The following NOTCH1 variants were observed in gnomAD, a reference collection of about 807,000 sequenced individuals.
NOTCH1 encodes the protein neurogenic locus notch homolog protein 1.
NOTCH1 carries 37 observed loss-of-function variants against 254.8 expected under a neutral mutation model. The observed-to-expected ratio is 0.15, with a 90% confidence interval of 0.11 to 0.19. NOTCH1 has a LOEUF of 0.19. Ranked by LOEUF, NOTCH1 falls within the 10% of genes least tolerant of loss-of-function variation. NOTCH1 has a pLI of 1.00. For missense variants in NOTCH1, 2,972 were observed against 3,708.6 expected, an observed-to-expected ratio of 0.80 and a Z score of 5.16; for synonymous variants, 1,731 against 1,618.1, an observed-to-expected ratio of 1.07 and a Z score of -1.68.
Position 136,496,539 on chromosome 9 carries a change from T to C in NOTCH1, c.7200A>G (p.Ala2400=), listed in dbSNP as rs780295772. ...LQMQQQNLQP[A]NIQQQQSLQP... The stretch of plus-strand genomic sequence containing the variant: ...GCAGGCTTTGCTGCTGCTGGATGTT[T>C]GCTGGCTGCAGGTTCTGCTGCTGCA... Residue 2400 remains alanine (A), a synonymous_variant, in exon 34 of 34, where the codon GCA becomes GCG. Transcript: ENST00000651671. 7 of 1,608,232 alleles carry C rather than the reference T, an allele frequency of 4.4e-6. No individual in the cohort carries two copies. The highest frequency in any genetic ancestry group is 5.9e-6 in the Non-Finnish European group (7 of 1,179,952).
chr9:136,500,936 G>T, intron 30 of NOTCH1, 89 bp from the exon 31 acceptor site: 7 of 1,434,330 alleles, frequency 4.9e-6, no homozygotes, highest in Non-Finnish European at 6.5e-6. Context: ...AAGCTCAAGG[G>T]GCCACGGTGT....
rs587778568 is a variant in NOTCH1, at chr9:136,505,620, G to A, written c.4276C>T (p.His1426Tyr). Residue 1426 changes from histidine (H) to tyrosine (Y), a missense_variant, in exon 25 of 34, where the codon CAC (histidine) becomes TAC (tyrosine). His to Tyr is a moderately conservative substitution (Grantham distance 83). Transcript: ENST00000651671. ...CPAKFNGLLC[H>Y]ILDYSFGGGA... ...CCCCCGAAGCTGTAGTCCAGGATGTGGCACAAGAGCCCGTTGAATTTGGCG... is the reference window on the plus strand; with the variant it reads ...CCCCCGAAGCTGTAGTCCAGGATGTAGCACAAGAGCCCGTTGAATTTGGCG... 2 of 1,612,136 alleles carry A rather than the reference G, an allele frequency of 1.2e-6. No individual in the cohort carries two copies. Among genetic ancestry groups the A allele is most frequent in the Non-Finnish European group, 1.7e-6 (2 of 1,179,602 alleles).
In NOTCH1 at chr9:136,513,671, G is replaced by C. The variant is rs1216844604; in HGVS notation, c.2208-134C>G. ...CTCAGACTCGCAGAGTCCTTTAGTG[G>C]GGGCAGGCTGGGCGCTGTGGCTCAC... is the stretch of plus-strand genomic sequence containing the variant. On this transcript the variant is annotated intron_variant, in intron 13 of 33. Transcript: ENST00000651671. The surrounding 1 kb of genome is among the most constrained non-coding windows in gnomAD (Gnocchi z 4.7). The C allele has an allele frequency of 3.1e-6, 3 of 967,774 alleles. No individual in the cohort carries two copies. The highest frequency in any genetic ancestry group is 4.7e-6 in the Non-Finnish European group (3 of 637,714). 59.9% of individuals were successfully genotyped at this position (967,774 alleles called of 1,614,324 possible). A position where few individuals can be genotyped will look rare whatever the true frequency, so the allele number is the denominator to read the frequency against.
In NOTCH1 at chr9:136,507,448, G is replaced by A. The variant is rs201280571; in HGVS notation, c.3511-11C>T. ...GTAGCCGGCCACGCACTGTGCAGGC[G>A]ACAGAACGAGGGGCCCTTCGGCTCA... On this transcript the variant is annotated splice_polypyrimidine_tract_variant and intron_variant, in intron 21 of 33. Transcript: ENST00000651671. 465 of 1,596,748 alleles carry A rather than the reference G, an allele frequency of 2.9e-4. 4 individuals carry two copies. The East Asian group carries it at 9.5e-3, about 32-fold the overall frequency.
Position 136,502,086 on chromosome 9 carries a change from G to T in NOTCH1, c.5387C>A (p.Pro1796His), listed in dbSNP as rs557319054. ...PLGEDSVGLKPLKNASDGALM... is the reference protein window; with the variant it reads ...PLGEDSVGLKHLKNASDGALM... ...GGCACCGTCTGAAGCGTTCTTCAGG[G>T]GCCTGGGGGGTGAGGGGTCGAGAAG... is the stretch of plus-strand genomic sequence containing the variant. Residue 1796 changes from proline (P) to histidine (H), a missense_variant and splice_region_variant, in exon 29 of 34, where the codon CCC (proline) becomes CAC (histidine). Transcript: ENST00000651671. 1.2e-5 allele frequency: 19 copies of T among 1,613,010 alleles called. No individual in the cohort carries two copies. The highest frequency in any genetic ancestry group is 1.6e-5 in the Non-Finnish European group (19 of 1,179,960).
chr9:136,515,903 A>G (rs1843260099), intron 10 of NOTCH1, 78 bp downstream of exon 10: 1 of 1,296,412 alleles, frequency 7.7e-7, no homozygotes, highest in African/African-American at 1.5e-5. Context: ...CAAGGTGTCC[A>G]TGACCTTGTC....
At chr9:136,499,086 G>T in intron 32 of NOTCH1, 26 bp downstream of exon 32, 1 of 1,612,848 alleles carries the variant, frequency 6.2e-7, no homozygotes. Context: ...CCCCACGACA[G>T]AGCAGCCGTG....
rs1054718330 is a variant in NOTCH1, at chr9:136,540,615, G to A, written c.140+3409C>T. On this transcript the variant is annotated intron_variant, in intron 2 of 33. Coordinates refer to ENST00000651671, the MANE Select transcript of NOTCH1 (RefSeq NM_017617.5). The surrounding 1 kb of genome is among the most constrained non-coding windows in gnomAD (Gnocchi z 4.4). ...CACACACCACCAAGAGATCCAGCGT[G>A]TATCAGCCCGGCTGACATGCTGGGG... Among the ~76,000 whole-genome samples the A allele has an allele frequency of 2.8e-5, 4 of 142,730 alleles. No homozygotes were observed. The highest frequency in any genetic ancestry group is 1.1e-4 in the African/African-American group (4 of 34,998). The allele number at this position is 142,730 out of a possible 152,430, so 93.6% of individuals were successfully genotyped here.
At chr9:136,497,964 G>A (rs868282317) in intron 33 of NOTCH1, among the ~76,000 whole-genome samples, 5 of 152,306 alleles carry the variant, frequency 3.3e-5, no homozygotes, top group African/African-American at 9.6e-5. Flanking sequence ...TCATCTGGAC[G>A]GCCATCAAGC....
intron 1 of NOTCH1, among the ~76,000 whole-genome samples, chr9:136,544,916 G>T (rs1436127956): frequency 6.6e-6 from 1 of 152,172 alleles, no homozygotes; most frequent in Non-Finnish European, 1.5e-5. Context: ...GGGGGAGGGG[G>T]GTGTGACACA....
chr9:136,518,093 G>C, intron 7 of NOTCH1, 44 bp downstream of exon 7: 1 of 1,560,972 alleles, frequency 6.4e-7, no homozygotes. Flanking sequence ...TCTGGGGCCA[G>C]GCTGCCACCC....
Position 136,507,914 on chromosome 9 carries a change from C to T in NOTCH1, c.3510+41G>A. The T allele has an allele frequency of 1.9e-6, 3 of 1,602,362 alleles. No individual in the cohort carries two copies. The South Asian group carries it at 3.3e-5, about 18-fold the overall frequency. On this transcript the variant is annotated intron_variant, in intron 21 of 33. Coordinates refer to ENST00000651671, the MANE Select transcript of NOTCH1 (RefSeq NM_017617.5). ...AGCCAGGGCCTGGTGTGTGGCAACACTCGTGCCGGCCACAACCCTTACCCT... is the reference window on the plus strand; with the variant it reads ...AGCCAGGGCCTGGTGTGTGGCAACATTCGTGCCGGCCACAACCCTTACCCT...
Position 136,513,311 on chromosome 9 carries a change from G to C in NOTCH1, c.2353+81C>G. On this transcript the variant is annotated intron_variant, in intron 14 of 33. Transcript: ENST00000651671. The surrounding 1 kb of genome is among the most constrained non-coding windows in gnomAD (Gnocchi z 4.7). ...GAGACACCATGCATGGTGCTGGCTG[G>C]ACCTGGGTCCCGATCCTGTGTCTCC... The C allele has an allele frequency of 6.3e-7, 1 of 1,597,418 alleles. No individual in the cohort carries two copies. The highest frequency in any genetic ancestry group is 8.5e-7 in the Non-Finnish European group (1 of 1,169,642).
rs367830199 is a variant in NOTCH1, at chr9:136,510,823, G to A, written c.2588-18C>T. 1 of 1,606,288 alleles carries A rather than the reference G, an allele frequency of 6.2e-7. No homozygotes were observed. Among genetic ancestry groups the A allele is most frequent in the Non-Finnish European group, 8.5e-7 (1 of 1,179,718 alleles). On this transcript the variant is annotated intron_variant, in intron 16 of 33. Coordinates refer to ENST00000651671, the MANE Select transcript of NOTCH1 (RefSeq NM_017617.5). Reference sequence around the variant, plus strand: ...GGTCTGCCCTGCGGGGCAGGAGGAGGCCGGTTGGTCACCAGCGGCCCCTGG... The same window carrying A: ...GGTCTGCCCTGCGGGGCAGGAGGAGACCGGTTGGTCACCAGCGGCCCCTGG...
chr9:136,519,654 G>A (rs768989263), intron 4 of NOTCH1, 89 bp from the exon 5 acceptor site: 2 of 1,601,136 alleles, frequency 1.2e-6, no homozygotes, highest in Admixed American at 3.3e-5. Flanking sequence ...GGACACAAGA[G>A]CCTGGCCTCC....
At chr9:136,517,457 G>C (rs1215085622) in intron 8 of NOTCH1, 72 bp from the exon 9 acceptor site, 2 of 1,101,054 alleles carry the variant, frequency 1.8e-6, no homozygotes, top group African/African-American at 1.5e-5. Context: ...TGTGGACTTG[G>C]GACAGAAACG....
intron 2 of NOTCH1, among the ~76,000 whole-genome samples, chr9:136,535,839 G>T (rs1843644327): frequency 8.8e-6 from 1 of 114,144 alleles, no homozygotes. Context: ...GTGGAGGGGG[G>T]ATCACTCAGG....
chr9:136,514,050 G>A (rs1469675924), intron 13 of NOTCH1, among the ~76,000 whole-genome samples: 2 of 152,310 alleles, frequency 1.3e-5, no homozygotes, highest in African/African-American at 4.8e-5. Context: ...AGGGGACCAT[G>A]CCAAGTGCAG....
intron 22 of NOTCH1, 44 bp downstream of exon 22, chr9:136,507,261 G>A (rs748693648): frequency 1.2e-6 from 2 of 1,612,470 alleles, no homozygotes; most frequent in South Asian, 1.1e-5. Flanking sequence ...CCCCTGCCCT[G>A]GCCATGGATG....
Sources: allele counts gnomAD v4.1 joint callset (sites outside exome capture counted in the v4.1 genomes callset), GRCh38; gene constraint gnomAD v4.1.1; non-coding constraint Gnocchi (gnomAD v3.1); transcripts MANE v1.5; gene names NCBI Gene and HGNC (gene_info 2026-07-23, HGNC 2026-07-21).